Variants in CPA6 observed in about 807,000 individuals in gnomAD.
The protein encoded by CPA6 is carboxypeptidase B.
CPA6 carries 58 observed loss-of-function variants against 63.3 expected under a neutral mutation model. The ratio of observed to expected loss-of-function variants is 0.92; its 90% confidence interval spans 0.74 to 1.14. The LOEUF (loss-of-function observed/expected upper bound fraction) is 1.14. Among genes scored for constraint, CPA6 ranks in the 50% most tolerant of loss-of-function variants. The pLI, the probability that CPA6 is intolerant of heterozygous loss-of-function variation, is 0.00. For synonymous variants in CPA6, 185 were observed against 179.0 expected (o/e 1.03, Z -0.27); for missense variants, 565 against 526.6 (o/e 1.07, Z -0.71).
chr8:67,675,104 C>T (rs1341635154), intron 1 of CPA6, among the ~76,000 whole-genome samples: 1 of 152,148 alleles, frequency 6.6e-6, no homozygotes, highest in Non-Finnish European at 1.5e-5. Flanking sequence ...AGGATCCATA[C>T]CCCAAACTTC....
chr8:67,672,212 T>A (rs1237219159), intron 1 of CPA6, among the ~76,000 whole-genome samples: 1 of 152,204 alleles, frequency 6.6e-6, no homozygotes, highest in Non-Finnish European at 1.5e-5. Flanking sequence ...ATATTGTAAA[T>A]ATTAACATTT....
chr8:67,542,719 A>G (rs903284778), intron 2 of CPA6, among the ~76,000 whole-genome samples: 1 of 152,246 alleles, frequency 6.6e-6, no homozygotes, highest in Admixed American at 6.5e-5. Flanking sequence ...GCAGCTGAAC[A>G]TAAGATGTAC....
At chr8:67,524,148 T>A (rs1018546154) in intron 2 of CPA6, among the ~76,000 whole-genome samples, 1 of 152,232 alleles carries the variant, frequency 6.6e-6, no homozygotes, top group African/African-American at 2.4e-5. Context: ...TTCTTGGATC[T>A]TCGTTTAGGA....
chr8:67,603,413 T>G (rs1814545729), intron 2 of CPA6, among the ~76,000 whole-genome samples: 1 of 152,154 alleles, frequency 6.6e-6, no homozygotes, highest in Non-Finnish European at 1.5e-5. Context: ...TATAAAGAGA[T>G]CTGTACTTTA....
chr8:67,450,279 C>T (rs929444372), intron 8 of CPA6, among the ~76,000 whole-genome samples: 2 of 152,190 alleles, frequency 1.3e-5, no homozygotes, highest in African/African-American at 4.8e-5. Flanking sequence ...ATGCTTACTT[C>T]ATATTTGGAA....
At chr8:67,652,205 G>T (rs185404277) in intron 1 of CPA6, among the ~76,000 whole-genome samples, 1 of 152,086 alleles carries the variant, frequency 6.6e-6, no homozygotes, top group Non-Finnish European at 1.5e-5. Flanking sequence ...ATAAACATAC[G>T]TGTGCATGTG....
chr8:67,678,227 TCACACA>T (rs1229557199), intron 1 of CPA6, among the ~76,000 whole-genome samples: 12 of 127,590 alleles, frequency 9.4e-5, no homozygotes, highest in East Asian at 5.2e-4. Context: ...AAACTCTGTC[TCACACA>T]CACACACACA....
intron 8 of CPA6, among the ~76,000 whole-genome samples, chr8:67,439,774 A>G (rs1376481911): frequency 6.6e-6 from 1 of 152,066 alleles, no homozygotes; most frequent in African/African-American, 2.4e-5. Flanking sequence ...TTTATCTTGA[A>G]TCCTGCAGGA....
intron 6 of CPA6, among the ~76,000 whole-genome samples, chr8:67,491,054 G>C (rs906659659): frequency 6.6e-6 from 1 of 152,060 alleles, no homozygotes; most frequent in Admixed American, 6.6e-5. Context: ...CCAAAGAAAG[G>C]GGCACAGTCA....
chr8:67,594,763 T>C (rs893520849), intron 2 of CPA6, among the ~76,000 whole-genome samples: 1 of 152,204 alleles, frequency 6.6e-6, no homozygotes, highest in African/African-American at 2.4e-5. Context: ...ATATTGGTTA[T>C]TCTAGTTATA....
chr8:67,599,070 G>A (rs1378668017), intron 2 of CPA6, among the ~76,000 whole-genome samples: 2 of 151,868 alleles, frequency 1.3e-5, no homozygotes, highest in Non-Finnish European at 2.9e-5. Flanking sequence ...TAAGCTACCT[G>A]GTTTAAGGAT....
chr8:67,499,278 G>A (rs574033186), intron 6 of CPA6, among the ~76,000 whole-genome samples: 54 of 152,284 alleles, frequency 3.5e-4, no homozygotes, highest in African/African-American at 1.3e-3. Context: ...TGGTTTCTGT[G>A]GCAGAGAGAG....
intron 1 of CPA6, among the ~76,000 whole-genome samples, chr8:67,693,135 G>A (rs1431331617): frequency 5.3e-5 from 8 of 152,214 alleles, no homozygotes; most frequent in Non-Finnish European, 2.9e-5. Context: ...AAATAGCTAC[G>A]AAATGAAATT....
intron 6 of CPA6, among the ~76,000 whole-genome samples, chr8:67,491,273 G>A (rs1182041810): frequency 7.3e-6 from 1 of 136,432 alleles, no homozygotes; most frequent in Non-Finnish European, 1.5e-5. Flanking sequence ...AAAGATAGCT[G>A]ACATCACACT....
At chr8:67,677,342 C>CTTTTTTTTTTTTT (rs35049117) in intron 1 of CPA6, among the ~76,000 whole-genome samples, 1 of 128,368 alleles carries the variant, frequency 7.8e-6, no homozygotes. Context: ...AAAACACCTT[C>CTTTTTTTTTTTTT]TTTTTTTTTT....
intron 1 of CPA6, among the ~76,000 whole-genome samples, chr8:67,635,835 T>C (rs577725083): frequency 6.6e-6 from 1 of 151,622 alleles, no homozygotes; most frequent in Non-Finnish European, 1.5e-5. Context: ...AAGCCACACA[T>C]GTTCAATTTG....
chr8:67,601,781 G>A (rs1468435698), intron 2 of CPA6, among the ~76,000 whole-genome samples: 2 of 152,148 alleles, frequency 1.3e-5, no homozygotes, highest in East Asian at 3.8e-4. Context: ...TCTGGTGGGA[G>A]TGTGAACTGA....
chr8:67,699,655 T>A (rs1460606459), intron 1 of CPA6, among the ~76,000 whole-genome samples: 1 of 152,016 alleles, frequency 6.6e-6, no homozygotes, highest in Admixed American at 6.6e-5. Context: ...TGGCACTATC[T>A]GGGTTCATTG....
intron 1 of CPA6, among the ~76,000 whole-genome samples, chr8:67,732,950 T>A (rs13267827): frequency 0.27 from 40,946 of 151,578 alleles, 7,558 homozygotes; most frequent in African/African-American, 0.53. Context: ...TAATCCCATC[T>A]CTTTGGGAGG....
Sources: gnomAD v4.1 joint callset for allele counts (sites outside exome capture counted in the v4.1 genomes callset) on GRCh38, gnomAD v4.1.1 for gene constraint, MANE v1.5 for transcripts, NCBI Gene and HGNC (gene_info 2026-07-23, HGNC 2026-07-21) for gene names.